Variants in SIRT1 observed in about 807,000 individuals in gnomAD.
The protein encoded by SIRT1 is sirtuin 1.
SIRT1 carries 24 observed loss-of-function variants against 67.9 expected under a neutral mutation model. The ratio of observed to expected loss-of-function variants is 0.35; its 90% confidence interval spans 0.26 to 0.50. The LOEUF is 0.50. Ranked by LOEUF, SIRT1 falls within the 20% of genes least tolerant of loss-of-function variation. SIRT1 has a pLI of 0.98. For synonymous variants in SIRT1, 378 were observed against 350.7 expected, an observed-to-expected ratio of 1.08 and a Z score of -0.87; for missense variants, 873 against 937.2, an observed-to-expected ratio of 0.93 and a Z score of 0.89.
At chr10:67,887,365 T>G in intron 1 of SIRT1, 52 bp from the exon 2 acceptor site, 3 of 1,119,948 alleles carry the variant, frequency 2.7e-6, no homozygotes, top group Non-Finnish European at 4.1e-6. Flanking sequence ...CGTTCATACA[T>G]TTTAGGTGCA....
intron 7 of SIRT1, among the ~76,000 whole-genome samples, chr10:67,911,065 T>C (rs1233706684): frequency 6.6e-6 from 1 of 152,226 alleles, no homozygotes; most frequent in Non-Finnish European, 1.5e-5. Flanking sequence ...CCTAATTAGC[T>C]GTGAAATTCT....
intron 7 of SIRT1, among the ~76,000 whole-genome samples, chr10:67,911,251 T>C (rs529247089): frequency 6.6e-5 from 10 of 152,324 alleles, no homozygotes; most frequent in East Asian, 1.9e-4. Context: ...TAGAGTGCAG[T>C]GGTGCAGTTT....
At chr10:67,889,215 C>T in intron 3 of SIRT1, 92 bp downstream of exon 3, 1 of 1,381,462 alleles carries the variant, frequency 7.2e-7, no homozygotes, top group Admixed American at 2.3e-5. Context: ...AAGGATTTAT[C>T]CTTACATGAT....
chr10:67,912,748 T>G lies in SIRT1; in HGVS notation c.1632T>G (p.Thr544=), dbSNP rs1393559624. 1 of 1,613,992 alleles carries G rather than the reference T, an allele frequency of 6.2e-7. No homozygotes were observed. The highest frequency in any genetic ancestry group is 1.3e-5 in the African/African-American group (1 of 74,914). The change falls in exon 8 of 9, where the codon ACT becomes ACG. Residue 544 remains threonine, a synonymous_variant. Coordinates refer to ENST00000212015, the MANE Select transcript of SIRT1 (RefSeq NM_012238.5). ...VSEDSSSPER[T]SPPDSSVIVT... Reference sequence around the variant, plus strand: ...AAGACTCAAGTTCACCAGAAAGAACTTCACCACCAGATTCTTCAGTGATTG... The same window carrying G: ...AAGACTCAAGTTCACCAGAAAGAACGTCACCACCAGATTCTTCAGTGATTG...
rs201367882 is a variant in SIRT1 at position 67,917,986 on chromosome 10, A to T, written c.*1393A>T. ...TATTACAATAAAAAGGGTTTGAAAT[A>T]TAGCTGTTCTTTATGCATAAAACAC... On this transcript the variant is annotated 3_prime_UTR_variant, in exon 9 of 9. Coordinates refer to ENST00000212015, the MANE Select transcript of SIRT1 (RefSeq NM_012238.5). The T allele has an allele frequency of 1.3e-5, 2 of 152,740 alleles. No homozygotes were observed. The highest frequency in any genetic ancestry group is 2.9e-5 in the Non-Finnish European group (2 of 68,030). The allele number at this position is 152,740 out of a possible 1,614,324, so 9.5% of individuals were successfully genotyped here. A position where few individuals can be genotyped will look rare whatever the true frequency, so the allele number is the denominator to read the frequency against.
intron 4 of SIRT1, among the ~76,000 whole-genome samples, chr10:67,900,994 A>G (rs1014643744): frequency 2.0e-5 from 3 of 152,176 alleles, no homozygotes; most frequent in Non-Finnish European, 2.9e-5. Context: ...TAGTAGTCCC[A>G]TGAAGGTGAG....
rs1308551562 is a variant in SIRT1 at position 67,912,725 on chromosome 10, G to A, written c.1609G>A (p.Asp537Asn). ...ACCCACACCTCTTCATGTTTCAGAA[G>A]ACTCAAGTTCACCAGAAAGAACTTC... Reference protein sequence around the residue: ...LPPTPLHVSEDSSSPERTSPP... With the variant: ...LPPTPLHVSENSSSPERTSPP... The change falls in exon 8 of 9, where the codon GAC (aspartate) becomes AAC (asparagine). Residue 537 changes from aspartate to asparagine, a missense_variant. By Grantham distance (23) the Asp-to-Asn change is conservative. This residue lies in a region of SIRT1 where 295 missense variants were observed against 294.5 expected (regional missense o/e 1.00). Coordinates refer to ENST00000212015, the MANE Select transcript of SIRT1 (RefSeq NM_012238.5). 2 of 1,614,086 alleles carry A rather than the reference G, an allele frequency of 1.2e-6. No individual in the cohort carries two copies. The highest frequency in any genetic ancestry group is 1.7e-6 in the Non-Finnish European group (2 of 1,180,032).
At chr10:67,900,812 C>G (rs1842734077) in intron 4 of SIRT1, among the ~76,000 whole-genome samples, 1 of 152,146 alleles carries the variant, frequency 6.6e-6, no homozygotes, top group Non-Finnish European at 1.5e-5. Context: ...TGAATTACCT[C>G]TTTGTTTTTA....
At position 67,884,664 on chromosome 10, in the gene SIRT1, C is replaced by T. The variant is rs1222525974; in HGVS notation, c.-58C>T. ...GCCGGAGCCGCGGGGGCGCCAGTGC[C>T]GCGCGTCGAGCGGGAGCAGAGGAGG... On this transcript the variant is annotated 5_prime_UTR_variant, in exon 1 of 9. Coordinates refer to ENST00000212015, the MANE Select transcript of SIRT1 (RefSeq NM_012238.5). 2 of 1,224,314 alleles carry T rather than the reference C, an allele frequency of 1.6e-6. No homozygotes were observed. The highest frequency in any genetic ancestry group is 4.2e-5 in the South Asian group (1 of 23,642). 75.8% of individuals were successfully genotyped at this position (1,224,314 alleles called of 1,614,324 possible).
intron 4 of SIRT1, chr10:67,906,169 C>A: frequency 7.3e-7 from 1 of 1,368,298 alleles, no homozygotes. Context: ...AAAGAAGAAA[C>A]AGCATTGAAG....
intron 3 of SIRT1, among the ~76,000 whole-genome samples, chr10:67,890,317 G>C (rs960859702): frequency 1.3e-5 from 2 of 151,966 alleles, no homozygotes; most frequent in African/African-American, 4.8e-5. Flanking sequence ...GCCTCCCAAA[G>C]TGCCAGGATT....
chr10:67,901,376 G>T (rs1007476122), intron 4 of SIRT1, among the ~76,000 whole-genome samples: 3 of 152,026 alleles, frequency 2.0e-5, no homozygotes, highest in African/African-American at 7.2e-5. Flanking sequence ...ATCAAAACAG[G>T]GCTCTGCTAC....
At position 67,885,043 on chromosome 10, in the gene SIRT1, C is replaced by G; in HGVS notation, c.322C>G (p.Gln108Glu). 7.1e-7 allele frequency: 1 copy of G among 1,418,128 alleles called. No homozygotes were observed. The highest frequency in any genetic ancestry group is 1.5e-5 in the South Asian group (1 of 68,446). 87.8% of individuals were successfully genotyped at this position (1,418,128 alleles called of 1,614,324 possible). ...GGAAGGAGACAATGGGCCGGGCCTG[C>G]AGGGCCCATCTCGGGAGCCACCGCT... ...AGEGDNGPGLQGPSREPPLAD... is the reference protein window; with the variant it reads ...AGEGDNGPGLEGPSREPPLAD... The change falls in exon 1 of 9, where the codon CAG becomes GAG. Residue 108 changes from glutamine (Q) to glutamate (E), a missense_variant. Coordinates refer to ENST00000212015, the MANE Select transcript of SIRT1 (RefSeq NM_012238.5).
At chr10:67,891,672 G>A in intron 4 of SIRT1, 118 bp downstream of exon 4, 1 of 981,558 alleles carries the variant, frequency 1.0e-6, no homozygotes, top group Non-Finnish European at 1.5e-6. Context: ...CTGCTACTGT[G>A]GCGGAGTAAG....
intron 7 of SIRT1, 41 bp from the exon 8 acceptor site, chr10:67,912,433 C>T (rs200909631): frequency 1.1e-5 from 16 of 1,515,554 alleles, no homozygotes; most frequent in Non-Finnish European, 1.4e-5. Context: ...AGCTTACTTC[C>T]TCCTCCCTTT....
chr10:67,896,129 A>G (rs1842654426), intron 4 of SIRT1, among the ~76,000 whole-genome samples: 1 of 152,062 alleles, frequency 6.6e-6, no homozygotes, highest in South Asian at 2.1e-4. Flanking sequence ...TAAATTTGGC[A>G]CTATTGACAT....
At chr10:67,887,617 CG>C in intron 2 of SIRT1, 84 bp downstream of exon 2, 1 of 918,412 alleles carries the variant, frequency 1.1e-6, no homozygotes, top group Non-Finnish European at 1.7e-6. Context: ...GCTCTTGTTG[CG>C]GAGGCTGGAG....
intron 5 of SIRT1, 81 bp downstream of exon 5, chr10:67,907,018 A>T: frequency 8.4e-7 from 1 of 1,190,152 alleles, no homozygotes; most frequent in Non-Finnish European, 1.1e-6. Flanking sequence ...ACTGCCATCG[A>T]GAAGTGGAGA....
At chr10:67,906,628 C>T (rs1469791599) in intron 4 of SIRT1, among the ~76,000 whole-genome samples, 162 bp from the exon 5 acceptor site, 1 of 152,092 alleles carries the variant, frequency 6.6e-6, no homozygotes, top group Non-Finnish European at 1.5e-5. Context: ...AGCAACCGTC[C>T]TTTTGTAGGT....
Sources: allele counts gnomAD v4.1 joint callset (sites outside exome capture counted in the v4.1 genomes callset), GRCh38; gene constraint gnomAD v4.1.1; regional missense constraint gnomAD v4.1.1; transcripts MANE v1.5; gene names NCBI Gene and HGNC (gene_info 2026-07-23, HGNC 2026-07-21).